Variants in ARMC10 observed in about 807,000 individuals in gnomAD.
ARMC10 encodes armadillo repeat-containing protein 10.
ARMC10 carries 23 observed loss-of-function variants against 30.2 expected under a neutral mutation model. That is an observed-to-expected ratio of 0.76 (90% CI 0.55 to 1.08). The LOEUF (loss-of-function observed/expected upper bound fraction) is 1.08, where lower values mean the gene tolerates loss of function less well. Ranked by LOEUF, ARMC10 falls within the 50% of genes least tolerant of loss-of-function variation. The pLI is 0.00. For synonymous variants in ARMC10, 111 were observed against 164.4 expected (o/e 0.68, Z 2.48); for missense variants, 303 against 413.7 (o/e 0.73, Z 2.32).
chr7:103,098,356 C>T lies in ARMC10; in HGVS notation c.835C>T (p.Arg279Ter), dbSNP rs974342956. 8.7e-6 allele frequency: 14 copies of T among 1,613,144 alleles called. No individual in the cohort carries two copies. The highest frequency in any genetic ancestry group is 2.2e-5 in the East Asian group (1 of 44,848). Residue 279 changes from arginine (R) to a stop codon, truncating the protein, a stop_gained, in exon 7 of 7, where the codon CGA becomes TGA. Transcript: ENST00000323716. LOFTEE classifies it low-confidence loss of function (END_TRUNC). ...CCACGTAGCAAAGGAGATTCTTCTT[C>T]GAGTACTTACGCTATTTCAGAATAT... ...DSHVAKEILL[R>*]VLTLFQNIKN...
At position 103,075,190 on chromosome 7, in the gene ARMC10, C is replaced by T. The variant is rs944110683; in HGVS notation, c.-83C>T. The T allele has an allele frequency of 7.9e-6, 8 of 1,017,048 alleles. No homozygotes were observed. The highest frequency in any genetic ancestry group is 1.0e-4 in the Admixed American group (2 of 19,912). The allele number at this position is 1,017,048 out of a possible 1,614,324, so 63.0% of individuals were successfully genotyped here. On this transcript the variant is annotated 5_prime_UTR_variant, in exon 1 of 7. Transcript: ENST00000323716. ...GGTGGCGTTTGCTGTGGCGGCTAGG[C>T]CCGCGTGCGCTGGAGACCTCCGCGC...
rs1800388535 is a variant in ARMC10, at chr7:103,081,583, C to T, written c.245-2099C>T. ...AGAGATGGGGTTTCACCATGTTGGC[C>T]AGGCTGGTCTCAGACTCCTCAGTTC... On this transcript the variant is annotated intron_variant, in intron 2 of 6. Transcript: ENST00000323716. 1.3e-5 allele frequency among the ~76,000 whole-genome samples: 2 copies of T among 152,088 alleles called. 1 individual carries two copies. Among genetic ancestry groups the T allele is most frequent in the South Asian group, 4.1e-4 (2 of 4,822 alleles).
intron 5 of ARMC10, chr7:103,096,592 TGGGGTCTA>T (rs1353641511): frequency 6.6e-6 from 1 of 152,362 alleles, no homozygotes; most frequent in African/African-American, 2.4e-5. Flanking sequence ...GGGGTGAAGA[TGGGGTCTA>T]AGGGTCTCAC....
Position 103,097,282 on chromosome 7 carries a change from A to C in ARMC10, c.711A>C (p.Gln237His), listed in dbSNP as rs1044527975. The part of the protein sequence containing the change: ...LLTGNGNTKV[Q>H]VLKLLLNLSE... ...CCAGTATCATCTTCTTTCAGGTGCA[A>C]GTTTTGAAACTGCTTTTGAATTTGT... is the stretch of plus-strand genomic sequence containing the variant. Residue 237 changes from glutamine to histidine, a missense_variant, in exon 6 of 7, where the codon CAA (glutamine) becomes CAC (histidine). By Grantham distance (24) the Gln-to-His change is conservative. Coordinates refer to ENST00000323716, the MANE Select transcript of ARMC10 (RefSeq NM_031905.5). 5 of 1,613,622 alleles carry C rather than the reference A, an allele frequency of 3.1e-6. No individual in the cohort carries two copies. The African/African-American group carries it at 6.7e-5, about 22-fold the overall frequency.
Position 103,091,852 on chromosome 7 carries a change from AG to A in ARMC10, c.529-621del, listed in dbSNP as rs369564433. Among the ~76,000 whole-genome samples the A allele has an allele frequency of 1.8e-3, 273 of 152,304 alleles. 2 individuals are homozygous for A. Among genetic ancestry groups the A allele is most frequent in the African/African-American group, 6.3e-3 (263 of 41,570 alleles). ...CCCCACCTGCTGTCTGACATTGGGC[AG>A]GGGACCCGAGCTCTTTAAAGACTTA... On this transcript the variant is annotated intron_variant, in intron 4 of 6. Coordinates refer to ENST00000323716, the MANE Select transcript of ARMC10 (RefSeq NM_031905.5).
At chr7:103,082,331 G>T (rs10240759) in intron 2 of ARMC10, among the ~76,000 whole-genome samples, 8,772 of 149,066 alleles carry the variant, frequency 0.059, 885 homozygotes, top group African/African-American at 0.2. Flanking sequence ...ATTTATTTTT[G>T]TGTGTGTGTG....
chr7:103,086,576 G>A lies in ARMC10; in HGVS notation c.394-54G>A, dbSNP rs534592982. On this transcript the variant is annotated intron_variant, in intron 3 of 6. Coordinates refer to ENST00000323716, the MANE Select transcript of ARMC10 (RefSeq NM_031905.5). ...TGTGGATGCAAAGAATTCAGTGAAC[G>A]GAGATGCATACTGAAGTCCCAGTCC... 6.1e-5 allele frequency: 94 copies of A among 1,530,046 alleles called. No homozygotes were observed. The African/African-American group carries it at 7.9e-4, about 13-fold the overall frequency. 94.8% of individuals were successfully genotyped at this position (1,530,046 alleles called of 1,614,324 possible). A position where few individuals can be genotyped will look rare whatever the true frequency, so the allele number is the denominator to read the frequency against.
chr7:103,084,548 C>A (rs571623576), intron 3 of ARMC10, among the ~76,000 whole-genome samples: 3 of 152,232 alleles, frequency 2.0e-5, no homozygotes, highest in South Asian at 4.1e-4. Context: ...TTATAAATGA[C>A]AGAATTCACT....
At chr7:103,090,179 T>C (rs1377380727) in intron 4 of ARMC10, among the ~76,000 whole-genome samples, 2 of 152,220 alleles carry the variant, frequency 1.3e-5, no homozygotes, top group African/African-American at 2.4e-5. Flanking sequence ...AATCTTGTTA[T>C]TATAATTGAA....
chr7:103,076,336 T>C (rs1303408402), intron 2 of ARMC10, among the ~76,000 whole-genome samples: 1 of 152,206 alleles, frequency 6.6e-6, no homozygotes, highest in East Asian at 1.9e-4. Flanking sequence ...TGTTATCTAA[T>C]TGCCTTTATC....
intron 2 of ARMC10, chr7:103,083,067 T>C (rs779663121): frequency 2.2e-6 from 1 of 456,710 alleles, no homozygotes; most frequent in South Asian, 1.5e-5. Context: ...TCTTTATAGG[T>C]AAGTGTTCAT....
intron 5 of ARMC10, 116 bp downstream of exon 5, chr7:103,092,769 G>T: frequency 1.5e-6 from 1 of 684,462 alleles, no homozygotes. Flanking sequence ...ATGGGCCCAA[G>T]AAAGTATATT....
intron 4 of ARMC10, among the ~76,000 whole-genome samples, chr7:103,087,522 C>A (rs921264561): frequency 6.6e-6 from 1 of 152,128 alleles, no homozygotes; most frequent in Non-Finnish European, 1.5e-5. Flanking sequence ...CCCAGTGATA[C>A]CCCTTGGTTA....
At chr7:103,095,944 G>A (rs973892656) in intron 5 of ARMC10, 1 of 147,902 alleles carries the variant, frequency 6.8e-6, no homozygotes, top group African/African-American at 2.6e-5. Context: ...TGGGGTGGGG[G>A]GAGGGGGGAG....
rs1184779178 is a variant in ARMC10 at position 103,098,407 on chromosome 7, C to A, written c.886C>A (p.His296Asn). 6.2e-7 allele frequency: 1 copy of A among 1,613,774 alleles called. No homozygotes were observed. The highest frequency in any genetic ancestry group is 1.3e-5 in the African/African-American group (1 of 74,928). Residue 296 changes from histidine (H) to asparagine (N), a missense_variant, in exon 7 of 7, where the codon CAT becomes AAT. By Grantham distance (68) the His-to-Asn change is moderately conservative (BLOSUM62 1). Around this residue, in one of 4 missense-constraint regions of ARMC10, gnomAD observed 26 missense variants for 94.7 expected, o/e 0.27. Transcript: ENST00000323716. The part of the protein sequence containing the change: ...NIKNCLKIEG[H>N]LAVQPTFTEG... ...AAAGAACTGCCTCAAAATAGAAGGC[C>A]ATTTAGCTGTGCAGCCTACTTTCAC...
chr7:103,077,494 GGC>G (rs1448123982), intron 2 of ARMC10, among the ~76,000 whole-genome samples: 1 of 152,070 alleles, frequency 6.6e-6, no homozygotes, highest in Non-Finnish European at 1.5e-5. Context: ...AGGCCAGAGG[GGC>G]AAGTGTGTTA....
chr7:103,078,296 C>T (rs1341977666), intron 2 of ARMC10, among the ~76,000 whole-genome samples: 1 of 152,156 alleles, frequency 6.6e-6, no homozygotes, highest in Non-Finnish European at 1.5e-5. Flanking sequence ...GAATTGTAAT[C>T]CCATAATCCC....
intron 3 of ARMC10, among the ~76,000 whole-genome samples, chr7:103,084,436 G>GT (rs1182194304): frequency 1.3e-5 from 2 of 152,090 alleles, no homozygotes; most frequent in Admixed American, 6.6e-5. Flanking sequence ...TGAATTTATA[G>GT]TTTTTTTTAG....
chr7:103,096,804 C>A (rs2041949), intron 5 of ARMC10: 137,742 of 156,608 alleles, frequency 0.88, 63,305 homozygotes, highest in East Asian at 1. Flanking sequence ...TAATGAAGAT[C>A]GTGTATTTAA....
Sources: gnomAD v4.1 joint callset for allele counts (sites outside exome capture counted in the v4.1 genomes callset) on GRCh38, gnomAD v4.1.1 for gene constraint, gnomAD v4.1.1 regional missense constraint, MANE v1.5 for transcripts, NCBI Gene and HGNC (gene_info 2026-07-23, HGNC 2026-07-21) for gene names.